The following CSTPP1 variants were observed in gnomAD, a reference collection of about 807,000 sequenced individuals.
CSTPP1 encodes the protein UPF0705 protein C11orf49.
chr11:46,971,442 G>C, the CSTPP1 span, among the ~76,000 whole-genome samples: 1 of 152,150 alleles, frequency 6.6e-6, no homozygotes, highest in African/African-American at 2.4e-5. Flanking sequence ...CATAACAGGA[G>C]CCATAAAAAT....
chr11:47,031,722 G>A, the CSTPP1 span, among the ~76,000 whole-genome samples: 2 of 143,692 alleles, frequency 1.4e-5, no homozygotes, highest in African/African-American at 2.6e-5. Flanking sequence ...TTTTAAAAGA[G>A]ATCTCTTAAA....
the CSTPP1 span, among the ~76,000 whole-genome samples, chr11:47,098,303 TA>T: frequency 2.2e-5 from 3 of 138,440 alleles, no homozygotes; most frequent in Non-Finnish European, 4.7e-5. Context: ...GAATTATCAA[TA>T]AAAAAATAAA....
the CSTPP1 span, among the ~76,000 whole-genome samples, chr11:47,046,117 A>T: frequency 6.6e-6 from 1 of 152,092 alleles, no homozygotes; most frequent in African/African-American, 2.4e-5. Flanking sequence ...AAAAAGGTAT[A>T]TTGTCCTGTA....
chr11:47,114,703 G>C, the CSTPP1 span, among the ~76,000 whole-genome samples: 1 of 152,202 alleles, frequency 6.6e-6, no homozygotes, highest in Admixed American at 6.5e-5. Flanking sequence ...CTTTGCTGCA[G>C]TTGCTGATCA....
chr11:47,140,417 T>C, the CSTPP1 span, among the ~76,000 whole-genome samples: 1 of 151,332 alleles, frequency 6.6e-6, no homozygotes, highest in East Asian at 1.9e-4. Context: ...TAAAAACATT[T>C]TTGTTTGTTT....
chr11:47,141,943 A>AC, the CSTPP1 span, among the ~76,000 whole-genome samples: 1 of 149,698 alleles, frequency 6.7e-6, no homozygotes, highest in East Asian at 1.9e-4. Context: ...AAAAAAAAAA[A>AC]AAAAAAAAAA....
chr11:46,966,979 G>T, the CSTPP1 span, among the ~76,000 whole-genome samples: 1 of 151,990 alleles, frequency 6.6e-6, no homozygotes, highest in Non-Finnish European at 1.5e-5. Context: ...CCAGATTTTT[G>T]CCTTCTCGGG....
At chr11:47,041,349 A>T in the CSTPP1 span, 1 of 250,356 alleles carries the variant, frequency 4.0e-6, no homozygotes, top group South Asian at 3.4e-5. Flanking sequence ...CAGGTAATCT[A>T]CTCAGGGCCC....
the CSTPP1 span, among the ~76,000 whole-genome samples, chr11:47,095,717 C>T: frequency 1.8e-4 from 28 of 152,126 alleles, no homozygotes; most frequent in Non-Finnish European, 1.2e-4. Flanking sequence ...AAATTCCTAG[C>T]GCTTTTCAAC....
At chr11:47,153,791 G>A in the CSTPP1 span, among the ~76,000 whole-genome samples, 1 of 152,138 alleles carries the variant, frequency 6.6e-6, no homozygotes, top group South Asian at 2.1e-4. Context: ...AAAGGGAGTG[G>A]CACCACAATA....
the CSTPP1 span, among the ~76,000 whole-genome samples, chr11:47,018,185 A>G: frequency 3.9e-5 from 6 of 152,046 alleles, no homozygotes; most frequent in East Asian, 7.7e-4. Flanking sequence ...TAGAGTTGCT[A>G]TAAATACTCA....
chr11:47,041,862 C>G, the CSTPP1 span: 2 of 362,130 alleles, frequency 5.5e-6, no homozygotes, highest in Non-Finnish European at 1.1e-5. Flanking sequence ...TGGTCTTTCC[C>G]ATGCCACCTT....
the CSTPP1 span, chr11:47,052,567 C>T: frequency 6.4e-7 from 1 of 1,572,476 alleles, no homozygotes; most frequent in Admixed American, 1.7e-5. Context: ...TCCTTCCTTT[C>T]TTCCTTCCTT....
the CSTPP1 span, among the ~76,000 whole-genome samples, chr11:47,113,051 T>G: frequency 3.3e-5 from 5 of 152,218 alleles, no homozygotes; most frequent in Admixed American, 3.3e-4. Context: ...CCAAGTGATC[T>G]CATTGTTCAA....
chr11:46,966,474 C>G, the CSTPP1 span, among the ~76,000 whole-genome samples: 1 of 152,050 alleles, frequency 6.6e-6, no homozygotes, highest in African/African-American at 2.4e-5. Context: ...GACTTTTTAT[C>G]ACTGATAACA....
At chr11:47,013,638 G>T in the CSTPP1 span, among the ~76,000 whole-genome samples, 1 of 152,096 alleles carries the variant, frequency 6.6e-6, no homozygotes, top group East Asian at 1.9e-4. Flanking sequence ...TTTTCTTTAT[G>T]CAGTCTATCA....
At chr11:47,150,453 C>CA in the CSTPP1 span, among the ~76,000 whole-genome samples, 1 of 152,134 alleles carries the variant, frequency 6.6e-6, no homozygotes, top group East Asian at 1.9e-4. Flanking sequence ...AGCAGGGAGA[C>CA]AGAGGTGTCA....
the CSTPP1 span, among the ~76,000 whole-genome samples, chr11:46,994,284 A>G: frequency 1.5e-4 from 23 of 152,220 alleles, no homozygotes; most frequent in Middle Eastern, 0.014. Flanking sequence ...TCTCCTGCCT[A>G]ATTGCCCTGG....
the CSTPP1 span, among the ~76,000 whole-genome samples, chr11:47,040,589 C>T: frequency 7.9e-6 from 1 of 126,826 alleles, no homozygotes; most frequent in East Asian, 2.1e-4. Context: ...AACAGGAGAA[C>T]TGCTACCACT....
Sources: gnomAD v4.1 joint callset for allele counts (sites outside exome capture counted in the v4.1 genomes callset) on GRCh38, gnomAD v4.1.1 for gene constraint, MANE v1.5 for transcripts, NCBI Gene and HGNC (gene_info 2026-07-23, HGNC 2026-07-21) for gene names.